The following NKAIN2 variants were observed in gnomAD, a reference collection of about 807,000 sequenced individuals.
NKAIN2 encodes the protein sodium/potassium transporting ATPase interacting 2.
A neutral mutation model predicts 32.6 loss-of-function variants in NKAIN2; 14 were observed. That is an observed-to-expected ratio of 0.43 (90% CI 0.28 to 0.67). The LOEUF is 0.67. Ranked by LOEUF, NKAIN2 falls within the 30% of genes least tolerant of loss-of-function variation. The pLI is 0.17. For synonymous variants in NKAIN2, 80 were observed against 87.2 expected, an observed-to-expected ratio of 0.92 and a Z score of 0.46; for missense variants, 198 against 258.3, an observed-to-expected ratio of 0.77 and a Z score of 1.60.
intron 1 of NKAIN2, among the ~76,000 whole-genome samples, chr6:124,062,739 A>C (rs960606447): frequency 6.6e-6 from 1 of 152,130 alleles, no homozygotes; most frequent in Admixed American, 6.5e-5. Flanking sequence ...AATCCTCTCT[A>C]TGACTTTTGA....
At chr6:124,732,811 A>G (rs1270010358) in intron 4 of NKAIN2, among the ~76,000 whole-genome samples, 1 of 152,042 alleles carries the variant, frequency 6.6e-6, no homozygotes. Flanking sequence ...TCTAGTAATC[A>G]TTCTACTAGA....
chr6:124,188,091 C>CT (rs745953660), intron 1 of NKAIN2, among the ~76,000 whole-genome samples: 1 of 152,096 alleles, frequency 6.6e-6, no homozygotes, highest in African/African-American at 2.4e-5. Flanking sequence ...AATACATAAG[C>CT]TTTTCAGAAG....
At chr6:124,346,433 G>A (rs527680070) in intron 2 of NKAIN2, among the ~76,000 whole-genome samples, 1 of 152,184 alleles carries the variant, frequency 6.6e-6, no homozygotes, top group South Asian at 2.1e-4. Context: ...TGACAGTGGG[G>A]TGTTAAAGTC....
In NKAIN2 at chr6:124,192,068, T is replaced by C. The variant is rs188663041; in HGVS notation, c.55-90937T>C. On this transcript the variant is annotated intron_variant, in intron 1 of 6. Transcript: ENST00000368417. ...GACTCCACGTTTGCTTTGATTTTTT[T>C]CCTATGGTTTTCCTGTTTTCTATTT... Among the ~76,000 whole-genome samples, 457 of 152,284 alleles carry C rather than the reference T, an allele frequency of 3.0e-3. 11 individuals are homozygous for C. The highest frequency in any genetic ancestry group is 0.027 in the Admixed American group (413 of 15,314).
intron 1 of NKAIN2, among the ~76,000 whole-genome samples, chr6:124,266,488 A>G: frequency 6.6e-6 from 1 of 152,114 alleles, no homozygotes; most frequent in South Asian, 2.1e-4. Flanking sequence ...CAGCTTGCCC[A>G]GGCTGGTCTT....
At chr6:124,714,696 T>C (rs715942) in intron 4 of NKAIN2, among the ~76,000 whole-genome samples, 68,923 of 152,062 alleles carry the variant, frequency 0.45, 15,882 homozygotes, top group African/African-American at 0.48. Context: ...GCATAGTACA[T>C]TGTAGTTCCC....
chr6:124,529,861 T>C (rs1405281999), intron 3 of NKAIN2, among the ~76,000 whole-genome samples: 1 of 152,250 alleles, frequency 6.6e-6, no homozygotes, highest in Non-Finnish European at 1.5e-5. Flanking sequence ...CAAATTATAA[T>C]GGGCTGAATG....
intron 5 of NKAIN2, among the ~76,000 whole-genome samples, chr6:124,797,773 T>G (rs756459256): frequency 6.6e-6 from 1 of 152,196 alleles, no homozygotes; most frequent in Non-Finnish European, 1.5e-5. Flanking sequence ...TGCAGTTCTT[T>G]GAGCACAATC....
chr6:124,588,021 A>G (rs1781769784), intron 3 of NKAIN2, among the ~76,000 whole-genome samples: 1 of 151,658 alleles, frequency 6.6e-6, no homozygotes, highest in South Asian at 2.1e-4. Context: ...GAAATCATCA[A>G]ATGAGCATGT....
At chr6:124,297,380 CAT>C (rs1796099000) in intron 2 of NKAIN2, among the ~76,000 whole-genome samples, 2 of 151,940 alleles carry the variant, frequency 1.3e-5, no homozygotes, top group Non-Finnish European at 2.9e-5. Context: ...GAACAGAAAA[CAT>C]ATTTACTATT....
At chr6:124,107,102 T>C (rs1003147386) in intron 1 of NKAIN2, among the ~76,000 whole-genome samples, 2 of 152,026 alleles carry the variant, frequency 1.3e-5, no homozygotes, top group African/African-American at 4.8e-5. Context: ...GAGTACATTA[T>C]TTAGATATAT....
intron 2 of NKAIN2, among the ~76,000 whole-genome samples, chr6:124,344,623 G>T (rs1054438526): frequency 6.6e-6 from 1 of 151,834 alleles, no homozygotes; most frequent in South Asian, 2.1e-4. Context: ...TCATGATTTG[G>T]CTCTCTGTTT....
At chr6:124,744,128 T>C (rs1354316006) in intron 4 of NKAIN2, among the ~76,000 whole-genome samples, 4 of 151,896 alleles carry the variant, frequency 2.6e-5, no homozygotes, top group Non-Finnish European at 5.9e-5. Context: ...GCATATTGGT[T>C]ACTTTGATTA....
At chr6:124,455,319 C>G (rs989978996) in intron 3 of NKAIN2, among the ~76,000 whole-genome samples, 1 of 152,038 alleles carries the variant, frequency 6.6e-6, no homozygotes, top group Non-Finnish European at 1.5e-5. Flanking sequence ...CGTACAAGCC[C>G]TTGTCAGTTA....
chr6:123,903,599 C>CT (rs1260683373), intron 1 of NKAIN2, among the ~76,000 whole-genome samples: 1 of 152,134 alleles, frequency 6.6e-6, no homozygotes, highest in Non-Finnish European at 1.5e-5. Flanking sequence ...ACTTAGCCCC[C>CT]TTTTTTCTCC....
intron 3 of NKAIN2, among the ~76,000 whole-genome samples, chr6:124,562,177 G>A (rs182977562): frequency 6.6e-6 from 1 of 152,208 alleles, no homozygotes; most frequent in East Asian, 1.9e-4. Flanking sequence ...ATATAATACT[G>A]TGGAATAAAT....
chr6:124,337,889 A>AG (rs1797947738), intron 2 of NKAIN2, among the ~76,000 whole-genome samples: 1 of 152,212 alleles, frequency 6.6e-6, no homozygotes, highest in Admixed American at 6.5e-5. Flanking sequence ...ATGAGGAACA[A>AG]GGGGTGGCTA....
chr6:124,367,772 G>GA (rs2114309397), intron 3 of NKAIN2, among the ~76,000 whole-genome samples: 1 of 151,998 alleles, frequency 6.6e-6, no homozygotes, highest in South Asian at 2.1e-4. Flanking sequence ...TGATAATTGC[G>GA]CATAAACAAA....
At chr6:124,297,017 G>A (rs368467377) in intron 2 of NKAIN2, among the ~76,000 whole-genome samples, 1 of 152,118 alleles carries the variant, frequency 6.6e-6, no homozygotes, top group East Asian at 1.9e-4. Context: ...GCAGAACCAT[G>A]AGCATTTTCT....
Sources: allele counts gnomAD v4.1 joint callset (sites outside exome capture counted in the v4.1 genomes callset), GRCh38; gene constraint gnomAD v4.1.1; transcripts MANE v1.5; gene names NCBI Gene and HGNC (gene_info 2026-07-23, HGNC 2026-07-21).